Variants in ACTG2 observed in about 807,000 individuals in gnomAD.
ACTG2 encodes actin, gamma-enteric smooth muscle.
A neutral mutation model predicts 37.6 loss-of-function variants in ACTG2; 16 were observed. That is an observed-to-expected ratio of 0.43 (90% confidence interval 0.29 to 0.65). The LOEUF (loss-of-function observed/expected upper bound fraction) is 0.65. Ranked by LOEUF, ACTG2 falls within the 30% of genes least tolerant of loss-of-function variation. The pLI, the probability that ACTG2 is intolerant of heterozygous loss-of-function variation, is 0.18. For synonymous variants in ACTG2, 181 were observed against 179.9 expected, an observed-to-expected ratio of 1.01 and a Z score of -0.05; for missense variants, 238 against 490.9, an observed-to-expected ratio of 0.48 and a Z score of 4.87.
intron 3 of ACTG2, among the ~76,000 whole-genome samples, chr2:73,903,582 T>C (rs1218372263): frequency 6.6e-6 from 1 of 152,238 alleles, no homozygotes; most frequent in Non-Finnish European, 1.5e-5. Context: ...TCCCAAGGCA[T>C]GGAACATACT....
At position 73,916,556 on chromosome 2, in the gene ACTG2, G is replaced by A. The variant is rs191149630; in HGVS notation, c.806-28G>A. 3.3e-4 allele frequency: 523 copies of A among 1,597,518 alleles called. 2 individuals carry two copies. In the African/African-American group the frequency reaches 6.3e-3, roughly 19 times the overall value. Reference sequence around the variant, plus strand: ...TGTGCATATTTAGGAAGTGATGCCTGTTGACCAGACACTGTGATCTCCACT... The same window carrying A: ...TGTGCATATTTAGGAAGTGATGCCTATTGACCAGACACTGTGATCTCCACT... On this transcript the variant is annotated intron_variant, in intron 7 of 8. Transcript: ENST00000345517.
chr2:73,909,634 T>C (rs1051397332), intron 5 of ACTG2, among the ~76,000 whole-genome samples: 1 of 152,234 alleles, frequency 6.6e-6, no homozygotes, highest in African/African-American at 2.4e-5. Flanking sequence ...CTACAGACAG[T>C]ATAGCATTTA....
intron 3 of ACTG2, among the ~76,000 whole-genome samples, chr2:73,906,885 C>T (rs1680029135): frequency 6.6e-6 from 1 of 152,114 alleles, no homozygotes; most frequent in African/African-American, 2.4e-5. Flanking sequence ...AGCCCAACAC[C>T]CAAGGATTCT....
intron 2 of ACTG2, 28 bp downstream of exon 2, chr2:73,901,465 C>A: frequency 6.2e-7 from 1 of 1,612,286 alleles, no homozygotes. Flanking sequence ...TACCACCAGG[C>A]TTTGAGCCAC....
In ACTG2 at chr2:73,896,038, C is replaced by T. The variant is rs1004194573; in HGVS notation, c.-37+2987C>T. On this transcript the variant is annotated intron_variant, in intron 1 of 8. Transcript: ENST00000345517. The stretch of plus-strand genomic sequence containing the variant: ...TTTCTTCTTTTGCTTTTTTCTCAAC[C>T]GTTTGAAAATGTAGGGCCGGGTGCA... Among the ~76,000 whole-genome samples, 6 of 151,990 alleles carry T rather than the reference C, an allele frequency of 3.9e-5. No homozygotes were observed. In the East Asian group the frequency reaches 7.7e-4, roughly 20 times the overall value.
intron 4 of ACTG2, 89 bp from the exon 5 acceptor site, chr2:73,908,966 T>C: frequency 7.2e-7 from 1 of 1,380,038 alleles, no homozygotes; most frequent in Non-Finnish European, 1.0e-6. Context: ...GCATAGTTCC[T>C]GCCCTTAATG....
chr2:73,909,985 T>C (rs918002966), intron 5 of ACTG2, among the ~76,000 whole-genome samples: 3 of 152,120 alleles, frequency 2.0e-5, no homozygotes, highest in Non-Finnish European at 2.9e-5. Flanking sequence ...GAGGCTGAGG[T>C]GGGCGGATCA....
intron 6 of ACTG2, among the ~76,000 whole-genome samples, chr2:73,914,255 G>A (rs1360472624): frequency 1.3e-5 from 2 of 152,212 alleles, no homozygotes; most frequent in African/African-American, 4.8e-5. Flanking sequence ...ATCATCCTAT[G>A]ACTGAACCTA....
At chr2:73,894,836 AG>A (rs1053511329) in intron 1 of ACTG2, among the ~76,000 whole-genome samples, 3 of 152,136 alleles carry the variant, frequency 2.0e-5, no homozygotes, top group Non-Finnish European at 2.9e-5. Flanking sequence ...CTAAATTCAG[AG>A]GGGTCCGCAG....
chr2:73,909,539 A>C (rs1231505380), intron 5 of ACTG2, among the ~76,000 whole-genome samples: 1 of 152,196 alleles, frequency 6.6e-6, no homozygotes, highest in Admixed American at 6.5e-5. Context: ...TCACTGTGGG[A>C]ACATCAGAGA....
intron 2 of ACTG2, 127 bp from the exon 3 acceptor site, chr2:73,902,233 C>T (rs1026584707): frequency 4.7e-5 from 52 of 1,115,684 alleles, no homozygotes; most frequent in Non-Finnish European, 6.3e-5. Context: ...CTCCTGCTAT[C>T]CTGTTTCTGG....
At chr2:73,906,853 C>A (rs572028354) in intron 3 of ACTG2, among the ~76,000 whole-genome samples, 6 of 152,228 alleles carry the variant, frequency 3.9e-5, no homozygotes, top group Admixed American at 3.3e-4. Flanking sequence ...AAAAAGAAAC[C>A]AAAATCAAGT....
At chr2:73,910,903 T>C (rs1177792000) in intron 5 of ACTG2, among the ~76,000 whole-genome samples, 1 of 152,108 alleles carries the variant, frequency 6.6e-6, no homozygotes. Context: ...ACAAGCTTTT[T>C]TCTATTAAAT....
chr2:73,899,325 C>T (rs1389028006), intron 1 of ACTG2, among the ~76,000 whole-genome samples: 3 of 152,010 alleles, frequency 2.0e-5, no homozygotes, highest in African/African-American at 7.2e-5. Context: ...ATCAGCCAGC[C>T]ATAGGGCATG....
intron 3 of ACTG2, 123 bp downstream of exon 3, chr2:73,902,611 C>G: frequency 6.4e-7 from 1 of 1,554,454 alleles, no homozygotes; most frequent in Non-Finnish European, 8.7e-7. Context: ...TTCTGTCTTT[C>G]CTTTCTTTTC....
intron 1 of ACTG2, among the ~76,000 whole-genome samples, chr2:73,898,791 CTTTTTT>C (rs1183989476): frequency 5.4e-5 from 5 of 92,970 alleles, no homozygotes; most frequent in Non-Finnish European, 1.0e-4. Flanking sequence ...TTTTTCTTTT[CTTTTTT>C]TTTTCTTTTT....
chr2:73,898,706 T>C (rs1679805711), intron 1 of ACTG2, among the ~76,000 whole-genome samples: 1 of 152,018 alleles, frequency 6.6e-6, no homozygotes, highest in Non-Finnish European at 1.5e-5. Context: ...AGGTAGCTTT[T>C]ATCCTGGCCA....
intron 1 of ACTG2, among the ~76,000 whole-genome samples, chr2:73,898,645 G>A (rs1443881442): frequency 1.3e-5 from 2 of 151,666 alleles, no homozygotes; most frequent in Non-Finnish European, 2.9e-5. Context: ...CCATACCTTT[G>A]CCAGCAAGGG....
At chr2:73,912,099 A>G (rs1379556966) in intron 5 of ACTG2, among the ~76,000 whole-genome samples, 2 of 152,240 alleles carry the variant, frequency 1.3e-5, no homozygotes, top group Non-Finnish European at 2.9e-5. Flanking sequence ...GATAAGGACA[A>G]TGATGGAGAA....
Sources: allele counts gnomAD v4.1 joint callset (sites outside exome capture counted in the v4.1 genomes callset), GRCh38; gene constraint gnomAD v4.1.1; transcripts MANE v1.5; gene names NCBI Gene and HGNC (gene_info 2026-07-23, HGNC 2026-07-21).